The following RTN4RL1 variants were observed in gnomAD, a reference collection of about 807,000 sequenced individuals.
RTN4RL1 encodes reticulon 4 receptor like 1.
In RTN4RL1, 7 loss-of-function variants were observed where a neutral mutation model predicts 25.6. The ratio of observed to expected loss-of-function variants is 0.27; its 90% CI spans 0.16 to 0.51. RTN4RL1 has a LOEUF of 0.51. Ranked by LOEUF, RTN4RL1 falls within the 20% of genes least tolerant of loss-of-function variation. The pLI is 0.97. For synonymous variants in RTN4RL1, 297 were observed against 288.2 expected, an observed-to-expected ratio of 1.03 and a Z score of -0.31; for missense variants, 500 against 615.6, an observed-to-expected ratio of 0.81 and a Z score of 1.99.
At chr17:1,978,796 G>C (rs2066854787) in intron 1 of RTN4RL1, among the ~76,000 whole-genome samples, 1 of 152,244 alleles carries the variant, frequency 6.6e-6, no homozygotes, top group Non-Finnish European at 1.5e-5. Context: ...CAGAGTTGCT[G>C]CAGAGAATCC....
At chr17:2,002,214 CTT>C (rs1463152729) in intron 1 of RTN4RL1, among the ~76,000 whole-genome samples, 4 of 151,864 alleles carry the variant, frequency 2.6e-5, no homozygotes, top group South Asian at 2.1e-4. Context: ...CCTTCTTTCT[CTT>C]TCTTTCCCTT....
At chr17:2,001,951 G>A (rs1251504448) in intron 1 of RTN4RL1, among the ~76,000 whole-genome samples, 1 of 152,174 alleles carries the variant, frequency 6.6e-6, no homozygotes, top group African/African-American at 2.4e-5. Flanking sequence ...GGAGGGAGTG[G>A]GGGGAGCTCA....
At chr17:1,971,548 G>A (rs1371116043) in intron 1 of RTN4RL1, among the ~76,000 whole-genome samples, 1 of 152,190 alleles carries the variant, frequency 6.6e-6, no homozygotes, top group African/African-American at 2.4e-5. Flanking sequence ...CCACGTACTT[G>A]GCTGGGCATG....
chr17:2,022,736 C>T (rs1322587410), intron 1 of RTN4RL1, among the ~76,000 whole-genome samples: 1 of 152,260 alleles, frequency 6.6e-6, no homozygotes, highest in Non-Finnish European at 1.5e-5. Context: ...AGGCTGAGCC[C>T]AGCCCAGTGA....
At chr17:2,006,455 C>T (rs1463608952) in intron 1 of RTN4RL1, among the ~76,000 whole-genome samples, 2 of 152,100 alleles carry the variant, frequency 1.3e-5, no homozygotes, top group Admixed American at 1.3e-4. Flanking sequence ...GCCACTGCAA[C>T]CAGTTGGGTT....
At chr17:2,014,788 C>A (rs138664048) in intron 1 of RTN4RL1, among the ~76,000 whole-genome samples, 1 of 151,220 alleles carries the variant, frequency 6.6e-6, no homozygotes, top group African/African-American at 2.4e-5. Context: ...GCTGAGATTG[C>A]GCCACTGCAC....
chr17:1,996,608 T>C (rs1265326341), intron 1 of RTN4RL1, among the ~76,000 whole-genome samples: 1 of 152,146 alleles, frequency 6.6e-6, no homozygotes, highest in East Asian at 1.9e-4. Context: ...TGAAATCAGA[T>C]AGAAATGCAG....
At chr17:2,015,383 G>T (rs778135413) in intron 1 of RTN4RL1, among the ~76,000 whole-genome samples, 4 of 152,182 alleles carry the variant, frequency 2.6e-5, no homozygotes, top group Non-Finnish European at 5.9e-5. Context: ...GACATCAGAG[G>T]CTGGAGACGG....
chr17:2,012,006 C>T lies in RTN4RL1; in HGVS notation c.13+12847G>A, dbSNP rs557472203. On this transcript the variant is annotated intron_variant, in intron 1 of 1. Transcript: ENST00000331238. Reference sequence around the variant, plus strand: ...GAGGAGAGGAAGCAGTTCAAAGTAACGAGTCAATTTCACAGATGGGAGCCA... The same window carrying T: ...GAGGAGAGGAAGCAGTTCAAAGTAATGAGTCAATTTCACAGATGGGAGCCA... Among the ~76,000 whole-genome samples the T allele has an allele frequency of 3.3e-4, 51 of 152,242 alleles. 1 individual carries two copies. Among genetic ancestry groups the T allele is most frequent in the Admixed American group, 2.8e-3 (43 of 15,288 alleles).
At chr17:1,997,843 TC>T (rs1231067066) in intron 1 of RTN4RL1, among the ~76,000 whole-genome samples, 5 of 152,036 alleles carry the variant, frequency 3.3e-5, no homozygotes, top group Non-Finnish European at 7.4e-5. Context: ...CGGGCCTGCA[TC>T]CCCGCAGACC....
intron 1 of RTN4RL1, among the ~76,000 whole-genome samples, chr17:1,999,887 TGTCTAGG>T (rs1567520991): frequency 6.6e-6 from 1 of 152,174 alleles, no homozygotes; most frequent in Non-Finnish European, 1.5e-5. Context: ...TCTCCTCTCC[TGTCTAGG>T]GCCCAGAGCA....
chr17:1,955,078 G>A (rs1276494030), intron 1 of RTN4RL1, among the ~76,000 whole-genome samples: 1 of 152,086 alleles, frequency 6.6e-6, no homozygotes, highest in Non-Finnish European at 1.5e-5. Flanking sequence ...CTGTCAGCCT[G>A]AGCGCCGCCC....
In RTN4RL1 at chr17:1,935,973, G is replaced by A. The variant is rs755911426; in HGVS notation, c.*523C>T. 19 of 986,154 alleles carry A rather than the reference G, an allele frequency of 1.9e-5. No individual in the cohort carries two copies. In the East Asian group the frequency reaches 6.8e-4, roughly 35 times the overall value. 61.1% of individuals were successfully genotyped at this position (986,154 alleles called of 1,614,324 possible). A position where few individuals can be genotyped will look rare whatever the true frequency, so the allele number is the denominator to read the frequency against. ...CCCCGAGGGAGGGGCTGAAGGTGGAGTAGGATAGAATTCAGGGCAGGGTGA... is the reference window on the plus strand; with the variant it reads ...CCCCGAGGGAGGGGCTGAAGGTGGAATAGGATAGAATTCAGGGCAGGGTGA... On this transcript the variant is annotated 3_prime_UTR_variant, in exon 2 of 2. Transcript: ENST00000331238.
chr17:1,968,258 G>A (rs778827435), intron 1 of RTN4RL1, among the ~76,000 whole-genome samples: 13 of 152,074 alleles, frequency 8.5e-5, no homozygotes, highest in East Asian at 1.9e-4. Flanking sequence ...AAAGCACCCC[G>A]TCCAAACCCT....
intron 1 of RTN4RL1, among the ~76,000 whole-genome samples, chr17:1,975,544 G>A (rs1395176555): frequency 6.6e-6 from 1 of 152,094 alleles, no homozygotes; most frequent in African/African-American, 2.4e-5. Context: ...CCAGCTACTC[G>A]GGAGGCTGAG....
At chr17:1,991,045 C>T (rs2066906280) in intron 1 of RTN4RL1, among the ~76,000 whole-genome samples, 1 of 152,184 alleles carries the variant, frequency 6.6e-6, no homozygotes, top group Non-Finnish European at 1.5e-5. Flanking sequence ...GATGCCTGAC[C>T]TTGGCCAATT....
At chr17:1,949,611 C>A (rs1455807840) in intron 1 of RTN4RL1, among the ~76,000 whole-genome samples, 1 of 152,200 alleles carries the variant, frequency 6.6e-6, no homozygotes, top group Non-Finnish European at 1.5e-5. Context: ...AGATCCTGTC[C>A]ATCACCCGGT....
rs1028860445 is a variant in RTN4RL1, at chr17:1,998,314, C to T, written c.13+26539G>A. Among the ~76,000 whole-genome samples, 1 of 152,196 alleles carries T rather than the reference C, an allele frequency of 6.6e-6. No individual in the cohort carries two copies. Among genetic ancestry groups the T allele is most frequent in the African/African-American group, 2.4e-5 (1 of 41,470 alleles). Reference sequence around the variant, plus strand: ...GCAGGCCGACCCGAGCCGAGCGCGCCCTTTGGGCACCGGCCCCGCCCGGGA... The same window carrying T: ...GCAGGCCGACCCGAGCCGAGCGCGCTCTTTGGGCACCGGCCCCGCCCGGGA... On this transcript the variant is annotated intron_variant, in intron 1 of 1. Coordinates refer to ENST00000331238, the MANE Select transcript of RTN4RL1 (RefSeq NM_178568.4). The surrounding 1 kb of genome is among the most constrained non-coding windows in gnomAD (Gnocchi z 4.9).
intron 1 of RTN4RL1, among the ~76,000 whole-genome samples, chr17:1,942,089 CA>C (rs1313727258): frequency 6.6e-6 from 1 of 152,254 alleles, no homozygotes; most frequent in African/African-American, 2.4e-5. Flanking sequence ...CTGGGTGGGC[CA>C]GGGGTGGCTC....
Sources: allele counts gnomAD v4.1 joint callset (sites outside exome capture counted in the v4.1 genomes callset), GRCh38; gene constraint gnomAD v4.1.1; non-coding constraint Gnocchi (gnomAD v3.1); transcripts MANE v1.5; gene names NCBI Gene and HGNC (gene_info 2026-07-23, HGNC 2026-07-21).